KIAA1328: variants seen among roughly 807,000 people sequenced by gnomAD.
KIAA1328 encodes the protein KIAA1328.
KIAA1328 carries 52 observed loss-of-function variants against 68.1 expected under a neutral mutation model. The observed-to-expected ratio is 0.76, with a 90% CI of 0.61 to 0.96. The LOEUF (loss-of-function observed/expected upper bound fraction) is 0.96, where lower values mean the gene tolerates loss of function less well. Among genes scored for constraint, KIAA1328 ranks in the 40% least tolerant of loss-of-function variants. The pLI is 0.00. For missense variants in KIAA1328, 641 were observed against 677.6 expected (o/e 0.95, Z 0.60); for synonymous variants, 232 against 239.4 (o/e 0.97, Z 0.28).
intron 5 of KIAA1328, among the ~76,000 whole-genome samples, chr18:36,920,223 TG>T (rs2049864778): frequency 6.6e-6 from 1 of 152,222 alleles, no homozygotes; most frequent in Admixed American, 6.5e-5. Flanking sequence ...AGTTAATTTT[TG>T]TATATGGTAG....
At chr18:37,012,548 C>T (rs1386300981) in intron 6 of KIAA1328, among the ~76,000 whole-genome samples, 2 of 152,096 alleles carry the variant, frequency 1.3e-5, no homozygotes, top group African/African-American at 4.8e-5. Context: ...TTATAGATTC[C>T]CAAATTTTAT....
intron 7 of KIAA1328, among the ~76,000 whole-genome samples, chr18:37,134,954 T>C (rs1012544539): frequency 6.6e-6 from 1 of 152,196 alleles, no homozygotes; most frequent in African/African-American, 2.4e-5. Flanking sequence ...ATGTGCTATT[T>C]GGTTTTCTTT....
chr18:36,971,995 G>C (rs779976531), intron 6 of KIAA1328, among the ~76,000 whole-genome samples: 1 of 152,124 alleles, frequency 6.6e-6, no homozygotes, highest in Admixed American at 6.5e-5. Context: ...CATATGTACA[G>C]TGAACCTAAA....
intron 6 of KIAA1328, among the ~76,000 whole-genome samples, chr18:36,974,766 G>T (rs945682414): frequency 3.3e-5 from 5 of 152,202 alleles, no homozygotes; most frequent in Non-Finnish European, 7.3e-5. Context: ...CGCATCAACA[G>T]TATATAAGCA....
intron 7 of KIAA1328, among the ~76,000 whole-genome samples, chr18:37,100,951 C>G (rs983961100): frequency 6.6e-6 from 1 of 152,202 alleles, no homozygotes; most frequent in African/African-American, 2.4e-5. Flanking sequence ...AGACCTGCAG[C>G]TGAGGGTCCT....
Position 37,079,613 on chromosome 18 carries a change from G to T in KIAA1328, c.1232+12068G>T, listed in dbSNP as rs942847333. On this transcript the variant is annotated intron_variant, in intron 7 of 9. Transcript: ENST00000280020. ...ATACATATGTAAAAGTTCAGGCCAG[G>T]TGTGGTGGCTCATGCCTGTAATTCC... Among the ~76,000 whole-genome samples the T allele has an allele frequency of 4.6e-5, 7 of 152,204 alleles. No homozygotes were observed. The East Asian group carries it at 7.7e-4, about 17-fold the overall frequency.
intron 6 of KIAA1328, among the ~76,000 whole-genome samples, chr18:37,045,505 A>C (rs1194174607): frequency 6.6e-6 from 1 of 151,750 alleles, no homozygotes; most frequent in Non-Finnish European, 1.5e-5. Flanking sequence ...CTTTTTTAAA[A>C]ATTTTTTGTT....
intron 5 of KIAA1328, among the ~76,000 whole-genome samples, chr18:36,910,772 A>G (rs1292156570): frequency 6.6e-6 from 1 of 152,038 alleles, no homozygotes; most frequent in Non-Finnish European, 1.5e-5. Context: ...ATGTTCTTCT[A>G]TTTGTTTATG....
intron 9 of KIAA1328, among the ~76,000 whole-genome samples, chr18:37,204,697 C>T (rs2060182608): frequency 7.1e-6 from 1 of 140,342 alleles, no homozygotes; most frequent in Non-Finnish European, 1.5e-5. Context: ...ATTTTTTTCA[C>T]TAAAATCATA....
At chr18:37,057,233 GA>G (rs2055947481) in intron 6 of KIAA1328, among the ~76,000 whole-genome samples, 1 of 152,016 alleles carries the variant, frequency 6.6e-6, no homozygotes, top group Non-Finnish European at 1.5e-5. Context: ...TCAATTGAAA[GA>G]ATATTTAGTA....
chr18:37,118,453 C>G (rs1271619878), intron 7 of KIAA1328, among the ~76,000 whole-genome samples: 3 of 152,114 alleles, frequency 2.0e-5, no homozygotes, highest in Admixed American at 1.3e-4. Context: ...TTGTAGTTTC[C>G]CATTGACTTT....
chr18:37,081,706 T>G (rs1169565722), intron 7 of KIAA1328, among the ~76,000 whole-genome samples: 2 of 152,162 alleles, frequency 1.3e-5, no homozygotes, highest in South Asian at 4.1e-4. Flanking sequence ...AGAAATAAAG[T>G]TTTTTTCCCA....
At chr18:37,147,956 G>T (rs1002946202) in intron 7 of KIAA1328, among the ~76,000 whole-genome samples, 1 of 152,004 alleles carries the variant, frequency 6.6e-6, no homozygotes, top group Non-Finnish European at 1.5e-5. Context: ...CTACAAACTT[G>T]TAGGGCATTT....
At chr18:37,052,505 TAAAG>T (rs1483578397) in intron 6 of KIAA1328, among the ~76,000 whole-genome samples, 1 of 151,766 alleles carries the variant, frequency 6.6e-6, no homozygotes, top group Non-Finnish European at 1.5e-5. Flanking sequence ...TCAGACAAGA[TAAAG>T]AAATAAAAGA....
intron 7 of KIAA1328, among the ~76,000 whole-genome samples, chr18:37,115,332 C>T (rs2058073106): frequency 6.6e-6 from 1 of 152,208 alleles, no homozygotes; most frequent in Admixed American, 6.5e-5. Context: ...AAGTTGGCTT[C>T]ATCCCTGGGA....
intron 7 of KIAA1328, chr18:37,075,751 G>A (rs1599170620): frequency 6.6e-6 from 1 of 152,086 alleles, no homozygotes; most frequent in Admixed American, 6.6e-5. Flanking sequence ...ATTACATAAT[G>A]GTAAAGGTAT....
At chr18:37,084,023 T>C in intron 7 of KIAA1328, 1 of 480,906 alleles carries the variant, frequency 2.1e-6, no homozygotes, top group Non-Finnish European at 3.3e-6. Flanking sequence ...AATTGGAAAA[T>C]AATTTCTGGG....
intron 9 of KIAA1328, among the ~76,000 whole-genome samples, chr18:37,210,625 A>G (rs1483778172): frequency 1.3e-5 from 2 of 152,210 alleles, no homozygotes; most frequent in Non-Finnish European, 2.9e-5. Flanking sequence ...GGCCAAGCTA[A>G]TCAACTTTAT....
chr18:37,041,370 A>G (rs1383555100), intron 6 of KIAA1328, among the ~76,000 whole-genome samples: 1 of 151,836 alleles, frequency 6.6e-6, no homozygotes, highest in Non-Finnish European at 1.5e-5. Context: ...TTTCTCTTTT[A>G]TTTACTATTT....
Sources: gnomAD v4.1 joint callset for allele counts (sites outside exome capture counted in the v4.1 genomes callset) on GRCh38, gnomAD v4.1.1 for gene constraint, MANE v1.5 for transcripts, NCBI Gene and HGNC (gene_info 2026-07-23, HGNC 2026-07-21) for gene names.